NALF1: variants seen among roughly 807,000 people sequenced by gnomAD.
NALF1 encodes the protein NALCN channel auxiliary factor 1.
A neutral mutation model predicts 48.4 loss-of-function variants in NALF1; 3 were observed. That is an observed-to-expected ratio of 0.06 (90% CI 0.03 to 0.16). The LOEUF (loss-of-function observed/expected upper bound fraction) is 0.16, where lower values mean the gene tolerates loss of function less well. Ranked by LOEUF, NALF1 falls within the 10% of genes least tolerant of loss-of-function variation. The pLI, the probability that NALF1 is intolerant of heterozygous loss-of-function variation, is 1.00. For missense variants in NALF1, 526 were observed against 571.5 expected (o/e 0.92, Z 0.81); for synonymous variants, 262 against 245.7 (o/e 1.07, Z -0.62).
intron 1 of NALF1, among the ~76,000 whole-genome samples, chr13:107,814,566 CAGAAGAAGTTACT>C (rs1165019061): frequency 2.6e-5 from 4 of 151,974 alleles, no homozygotes; most frequent in African/African-American, 9.7e-5. Context: ...AAAACAACAA[CAGAAGAAGTTACT>C]AGAGATAAAG....
At chr13:107,201,188 T>A (rs1879510127) in intron 2 of NALF1, among the ~76,000 whole-genome samples, 1 of 151,992 alleles carries the variant, frequency 6.6e-6, no homozygotes, top group East Asian at 1.9e-4. Flanking sequence ...TCTATCTATC[T>A]ATCTATCTAC....
At chr13:107,718,182 C>T (rs763753149) in intron 1 of NALF1, among the ~76,000 whole-genome samples, 7 of 152,206 alleles carry the variant, frequency 4.6e-5, no homozygotes, top group Non-Finnish European at 8.8e-5. Flanking sequence ...GAGTCTTTCC[C>T]ACTCTAGATT....
At position 107,430,146 on chromosome 13, in the gene NALF1, C is replaced by A. The variant is rs148338345; in HGVS notation, c.916-219391G>T. On this transcript the variant is annotated intron_variant, in intron 1 of 2. Coordinates refer to ENST00000375915, the MANE Select transcript of NALF1 (RefSeq NM_001080396.3). The stretch of plus-strand genomic sequence containing the variant: ...AGAACTTATTTATTCATTCATGTAT[C>A]CAAACATCCGAATACATTTATTGAA... Among the ~76,000 whole-genome samples the A allele has an allele frequency of 7.2e-5, 11 of 152,188 alleles. No individual in the cohort carries two copies. The East Asian group carries it at 1.9e-3, about 27-fold the overall frequency.
intron 1 of NALF1, among the ~76,000 whole-genome samples, chr13:107,631,515 C>T (rs1003602903): frequency 6.6e-6 from 1 of 152,034 alleles, no homozygotes. Flanking sequence ...ATTTGGTAAA[C>T]ATAGCAGAAA....
intron 1 of NALF1, among the ~76,000 whole-genome samples, chr13:107,864,279 CTG>C (rs1880651607): frequency 6.6e-6 from 1 of 152,164 alleles, no homozygotes; most frequent in Admixed American, 6.5e-5. Context: ...TTTCAGAGAG[CTG>C]TGTTTCTGGT....
At chr13:107,706,025 A>T (rs1435670695) in intron 1 of NALF1, among the ~76,000 whole-genome samples, 4 of 152,192 alleles carry the variant, frequency 2.6e-5, no homozygotes, top group African/African-American at 9.7e-5. Flanking sequence ...CAAAAGCTTA[A>T]CTCAAGAAAG....
chr13:107,204,581 G>A (rs763066314), intron 2 of NALF1, among the ~76,000 whole-genome samples: 15 of 152,198 alleles, frequency 9.9e-5, no homozygotes, highest in Non-Finnish European at 2.1e-4. Context: ...GTAATCTTAA[G>A]TAGGAATGAT....
chr13:107,464,261 C>T (rs1186081722), intron 1 of NALF1, among the ~76,000 whole-genome samples: 2 of 151,804 alleles, frequency 1.3e-5, no homozygotes, highest in African/African-American at 4.8e-5. Context: ...GAGTGATATG[C>T]AACAAACACT....
At chr13:107,774,819 A>G (rs757523337) in intron 1 of NALF1, among the ~76,000 whole-genome samples, 2 of 152,118 alleles carry the variant, frequency 1.3e-5, no homozygotes, top group Non-Finnish European at 2.9e-5. Flanking sequence ...TTAAAAAAAC[A>G]GCCCTAAATC....
At chr13:107,544,939 G>A (rs575220652) in intron 1 of NALF1, among the ~76,000 whole-genome samples, 45 of 152,240 alleles carry the variant, frequency 3.0e-4, no homozygotes, top group Admixed American at 2.7e-3. Context: ...ATGACTGTGC[G>A]ACAACACAGT....
At chr13:107,737,714 G>A (rs1343895164) in intron 1 of NALF1, among the ~76,000 whole-genome samples, 1 of 152,104 alleles carries the variant, frequency 6.6e-6, no homozygotes, top group Non-Finnish European at 1.5e-5. Context: ...CTAATTATTT[G>A]TACATTTACT....
intron 1 of NALF1, among the ~76,000 whole-genome samples, chr13:107,842,966 G>T (rs768468184): frequency 3.9e-5 from 6 of 152,090 alleles, no homozygotes; most frequent in Non-Finnish European, 8.8e-5. Flanking sequence ...GGATCATCCA[G>T]ATGTTCCCCA....
At chr13:107,315,637 T>C (rs1327482128) in intron 1 of NALF1, among the ~76,000 whole-genome samples, 3 of 152,044 alleles carry the variant, frequency 2.0e-5, no homozygotes, top group East Asian at 1.9e-4. Flanking sequence ...GTATGAGACA[T>C]TGAAACGTAA....
At chr13:107,348,058 C>A (rs1019496190) in intron 1 of NALF1, among the ~76,000 whole-genome samples, 1 of 152,216 alleles carries the variant, frequency 6.6e-6, no homozygotes, top group South Asian at 2.1e-4. Flanking sequence ...TAGTTCAGAA[C>A]ATGCTGGTTA....
intron 1 of NALF1, among the ~76,000 whole-genome samples, chr13:107,653,001 G>A (rs921972396): frequency 6.6e-6 from 1 of 152,048 alleles, no homozygotes; most frequent in Non-Finnish European, 1.5e-5. Flanking sequence ...TGCCAAAAAT[G>A]TTTCAACAAA....
At position 107,468,301 on chromosome 13, in the gene NALF1, A is replaced by C. The variant is rs114909552; in HGVS notation, c.916-257546T>G. 4.4e-3 allele frequency among the ~76,000 whole-genome samples: 677 copies of C among 152,354 alleles called. 8 individuals are homozygous for C. Among genetic ancestry groups the C allele is most frequent in the African/African-American group, 0.016 (655 of 41,584 alleles). On this transcript the variant is annotated intron_variant, in intron 1 of 2. Coordinates refer to ENST00000375915, the MANE Select transcript of NALF1 (RefSeq NM_001080396.3). ...CAAAATGGAGGCCACTATGCCAAAAAGTTTGATTCCATTCAACAAATATTA... is the reference window on the plus strand; with the variant it reads ...CAAAATGGAGGCCACTATGCCAAAACGTTTGATTCCATTCAACAAATATTA...
At chr13:107,847,584 T>A (rs981017342) in intron 1 of NALF1, among the ~76,000 whole-genome samples, 1 of 152,198 alleles carries the variant, frequency 6.6e-6, no homozygotes, top group African/African-American at 2.4e-5. Flanking sequence ...AGCTGCCAGA[T>A]TGTAAGCTAC....
intron 1 of NALF1, among the ~76,000 whole-genome samples, chr13:107,584,002 A>T (rs976920901): frequency 6.6e-6 from 1 of 152,132 alleles, no homozygotes; most frequent in Non-Finnish European, 1.5e-5. Flanking sequence ...GTATATAGCA[A>T]TGAGGCATAA....
chr13:107,313,733 G>A (rs546476032), intron 1 of NALF1, among the ~76,000 whole-genome samples: 8 of 151,992 alleles, frequency 5.3e-5, no homozygotes, highest in Non-Finnish European at 8.8e-5. Context: ...TATCCTCCTC[G>A]CACTCGTAAA....
Sources: gnomAD v4.1 joint callset for allele counts (sites outside exome capture counted in the v4.1 genomes callset) on GRCh38, gnomAD v4.1.1 for gene constraint, MANE v1.5 for transcripts, NCBI Gene and HGNC (gene_info 2026-07-23, HGNC 2026-07-21) for gene names.